The following SLIT2 variants were observed in gnomAD, a reference collection of about 807,000 sequenced individuals.
SLIT2 encodes the protein slit guidance ligand 2.
A neutral mutation model predicts 185.7 loss-of-function variants in SLIT2; 41 were observed. The ratio of observed to expected loss-of-function variants is 0.22; its 90% CI spans 0.17 to 0.29. SLIT2 has a LOEUF of 0.29. SLIT2 is among the 10% of genes least tolerant of loss of function. The probability of loss-of-function intolerance (pLI) is 1.00; values close to 1 mark genes in which losing one functional copy is unlikely to be tolerated. For missense variants in SLIT2, 1,571 were observed against 1,909.0 expected (o/e 0.82, Z 3.30); for synonymous variants, 693 against 680.2 (o/e 1.02, Z -0.29).
intron 4 of SLIT2, among the ~76,000 whole-genome samples, chr4:20,448,479 C>T (rs993025868): frequency 2.0e-5 from 3 of 151,856 alleles, no homozygotes; most frequent in African/African-American, 7.3e-5. Flanking sequence ...AGCAACTACA[C>T]CCAGCCAATT....
intron 4 of SLIT2, among the ~76,000 whole-genome samples, chr4:20,394,324 T>G (rs1431075327): frequency 6.6e-6 from 1 of 152,078 alleles, no homozygotes; most frequent in East Asian, 1.9e-4. Flanking sequence ...TGTCTCTCAG[T>G]CTTTACTTAG....
chr4:20,284,726 G>A (rs1041057035), intron 4 of SLIT2, among the ~76,000 whole-genome samples: 2 of 152,096 alleles, frequency 1.3e-5, no homozygotes, highest in Non-Finnish European at 2.9e-5. Flanking sequence ...CTGAAGAAAG[G>A]GCTGTCCTAC....
At chr4:20,594,256 C>T (rs1422792424) in intron 30 of SLIT2, among the ~76,000 whole-genome samples, 1 of 148,650 alleles carries the variant, frequency 6.7e-6, no homozygotes, top group Non-Finnish European at 1.5e-5. Context: ...TATACATATA[C>T]ATACACGCAT....
chr4:20,397,577 G>A (rs2109388156), intron 4 of SLIT2, among the ~76,000 whole-genome samples: 1 of 151,884 alleles, frequency 6.6e-6, no homozygotes, highest in South Asian at 2.1e-4. Context: ...TTGCAAGGCA[G>A]TTATAAATTG....
chr4:20,254,565 A>T lies in SLIT2; in HGVS notation c.179+571A>T, dbSNP rs544054270. On this transcript the variant is annotated intron_variant, in intron 1 of 36. Coordinates refer to ENST00000504154, the MANE Select transcript of SLIT2 (RefSeq NM_004787.4). This position sits in a 1 kb window ranked among gnomAD's most constrained non-coding sequence, Gnocchi z 5.1. ...CAGGTCGCGGGGAGAAGGGTGCCCC[A>T]GGACGGCGACACCTCGCATAGTAGC... is the stretch of plus-strand genomic sequence containing the variant. 2.0e-5 allele frequency among the ~76,000 whole-genome samples: 3 copies of T among 152,136 alleles called. No individual in the cohort carries two copies. The highest frequency in any genetic ancestry group is 6.5e-5 in the Admixed American group (1 of 15,272).
chr4:20,328,568 T>C (rs937737807), intron 4 of SLIT2, among the ~76,000 whole-genome samples: 5 of 151,876 alleles, frequency 3.3e-5, no homozygotes, highest in African/African-American at 9.7e-5. Context: ...ATAAAAACAA[T>C]AGAATAAGAG....
At chr4:20,553,562 G>A (rs1008608065) in intron 25 of SLIT2, among the ~76,000 whole-genome samples, 2 of 152,174 alleles carry the variant, frequency 1.3e-5, no homozygotes, top group African/African-American at 4.8e-5. Flanking sequence ...CAACATGAGT[G>A]TTGACACCAG....
intron 4 of SLIT2, among the ~76,000 whole-genome samples, chr4:20,305,635 G>A (rs1717467806): frequency 2.0e-5 from 3 of 152,122 alleles, no homozygotes; most frequent in African/African-American, 7.2e-5. Flanking sequence ...CATTTTGGGA[G>A]GCCGAGGTGG....
At chr4:20,462,455 G>A (rs1713834040) in intron 4 of SLIT2, among the ~76,000 whole-genome samples, 1 of 151,998 alleles carries the variant, frequency 6.6e-6, no homozygotes, top group African/African-American at 2.4e-5. Flanking sequence ...TTCCATTGTT[G>A]TTTGCTTATT....
chr4:20,349,805 C>G (rs973311024), intron 4 of SLIT2, among the ~76,000 whole-genome samples: 16 of 152,152 alleles, frequency 1.1e-4, no homozygotes, highest in African/African-American at 3.9e-4. Context: ...TGAGGCATCT[C>G]AGCACAAAGG....
chr4:20,337,791 T>C (rs1186892601), intron 4 of SLIT2, among the ~76,000 whole-genome samples: 1 of 152,176 alleles, frequency 6.6e-6, no homozygotes, highest in African/African-American at 2.4e-5. Context: ...AGATGGCTTC[T>C]ATATTCTTAA....
chr4:20,453,580 G>A (rs896566858), intron 4 of SLIT2, among the ~76,000 whole-genome samples: 2 of 152,116 alleles, frequency 1.3e-5, no homozygotes, highest in African/African-American at 4.8e-5. Flanking sequence ...TATAGATTAG[G>A]AAATTGAAGC....
chr4:20,574,822 T>C (rs1191286040), intron 29 of SLIT2, among the ~76,000 whole-genome samples: 1 of 151,324 alleles, frequency 6.6e-6, no homozygotes, highest in Non-Finnish European at 1.5e-5. Flanking sequence ...GGTTATTATA[T>C]AGCAGGTCTC....
chr4:20,490,721 T>A, intron 8 of SLIT2: 1 of 1,020,388 alleles, frequency 9.8e-7, no homozygotes, highest in South Asian at 1.4e-5. Flanking sequence ...ATTGCTTTTT[T>A]AAAAAATTAA....
At chr4:20,469,059 A>G (rs1560449526) in intron 5 of SLIT2, among the ~76,000 whole-genome samples, 1 of 152,118 alleles carries the variant, frequency 6.6e-6, no homozygotes, top group African/African-American at 2.4e-5. Flanking sequence ...CTATGGCTGT[A>G]AGGTTTTTAT....
intron 4 of SLIT2, among the ~76,000 whole-genome samples, chr4:20,294,906 A>C (rs1716318015): frequency 6.6e-6 from 1 of 152,238 alleles, no homozygotes. Flanking sequence ...GGTATATCAC[A>C]CGAAAATCAG....
chr4:20,298,817 C>T (rs1716758782), intron 4 of SLIT2, among the ~76,000 whole-genome samples: 1 of 152,126 alleles, frequency 6.6e-6, no homozygotes, highest in Non-Finnish European at 1.5e-5. Context: ...TGTCTTATTT[C>T]AATAAAAACT....
At chr4:20,573,472 A>G (rs772279812) in intron 29 of SLIT2, among the ~76,000 whole-genome samples, 18 of 152,354 alleles carry the variant, frequency 1.2e-4, no homozygotes, top group Admixed American at 5.9e-4. Flanking sequence ...CAATTTATCT[A>G]TTGTTAGAAG....
chr4:20,296,626 T>G (rs1487200608), intron 4 of SLIT2, among the ~76,000 whole-genome samples: 1 of 152,204 alleles, frequency 6.6e-6, no homozygotes, highest in Non-Finnish European at 1.5e-5. Context: ...CCAATTTTTA[T>G]TAAATGCTTG....
Sources: allele counts gnomAD v4.1 joint callset (sites outside exome capture counted in the v4.1 genomes callset), GRCh38; gene constraint gnomAD v4.1.1; non-coding constraint Gnocchi (gnomAD v3.1); transcripts MANE v1.5; gene names NCBI Gene and HGNC (gene_info 2026-07-23, HGNC 2026-07-21).